Variants in LRRC28 observed in about 807,000 individuals in gnomAD.
The protein encoded by LRRC28 is leucine-rich repeat-containing protein 28.
A neutral mutation model predicts 45.7 loss-of-function variants in LRRC28; 39 were observed. That is an observed-to-expected ratio of 0.85 (90% CI 0.66 to 1.12). The LOEUF is 1.12. Ranked by LOEUF, LRRC28 falls within the 50% of genes most tolerant of loss-of-function variation. The pLI is 0.00. For missense variants in LRRC28, 435 were observed against 438.5 expected, an observed-to-expected ratio of 0.99 and a Z score of 0.07; for synonymous variants, 206 against 178.8, an observed-to-expected ratio of 1.15 and a Z score of -1.22.
intron 6 of LRRC28, among the ~76,000 whole-genome samples, chr15:99,342,911 T>C (rs756078182): frequency 4.6e-5 from 7 of 152,208 alleles, no homozygotes; most frequent in Non-Finnish European, 8.8e-5. Context: ...GGAGTCTGTG[T>C]GTTTGTGTGT....
At chr15:99,380,441 G>A (rs865838244) in intron 9 of LRRC28, among the ~76,000 whole-genome samples, 1 of 152,216 alleles carries the variant, frequency 6.6e-6, no homozygotes, top group Non-Finnish European at 1.5e-5. Flanking sequence ...CTCTGCACAT[G>A]AGATGGGTCT....
intron 5 of LRRC28, 63 bp from the exon 6 acceptor site, chr15:99,333,860 A>C: frequency 6.6e-7 from 1 of 1,507,336 alleles, no homozygotes; most frequent in Non-Finnish European, 9.2e-7. Flanking sequence ...TATAATATTG[A>C]TTCATTTTGT....
chr15:99,326,742 A>T (rs938339266), intron 5 of LRRC28, among the ~76,000 whole-genome samples: 12 of 152,192 alleles, frequency 7.9e-5, no homozygotes, highest in African/African-American at 2.4e-4. Flanking sequence ...AACATCTCAG[A>T]CCTACTTGTT....
At position 99,321,491 on chromosome 15, in the gene LRRC28, C is replaced by A. The variant is rs572519858; in HGVS notation, c.386-12432C>A. 5.3e-5 allele frequency among the ~76,000 whole-genome samples: 8 copies of A among 152,304 alleles called. No homozygotes were observed. In the East Asian group the frequency reaches 1.3e-3, roughly 26 times the overall value. On this transcript the variant is annotated intron_variant, in intron 5 of 9. Coordinates refer to ENST00000301981, the MANE Select transcript of LRRC28 (RefSeq NM_144598.5). ...TCTTATAGAATACTCCCATCACTTG[C>A]ATTCACAGAGATAATTATAAGACAT...
intron 7 of LRRC28, among the ~76,000 whole-genome samples, chr15:99,356,084 T>C (rs1957040037): frequency 6.6e-6 from 1 of 152,228 alleles, no homozygotes; most frequent in African/African-American, 2.4e-5. Context: ...AAGTTAGTTG[T>C]TGTTAAAACA....
chr15:99,372,865 A>G (rs930480960), intron 9 of LRRC28, among the ~76,000 whole-genome samples: 1 of 152,180 alleles, frequency 6.6e-6, no homozygotes, highest in Admixed American at 6.6e-5. Flanking sequence ...AGGCCTCAGG[A>G]AACTTAACAA....
At chr15:99,372,139 A>G (rs900747029) in intron 9 of LRRC28, among the ~76,000 whole-genome samples, 2 of 152,236 alleles carry the variant, frequency 1.3e-5, no homozygotes, top group African/African-American at 4.8e-5. Flanking sequence ...TACGAGTCAA[A>G]TATATGCTTT....
intron 5 of LRRC28, among the ~76,000 whole-genome samples, chr15:99,312,214 A>G (rs1182503513): frequency 6.6e-6 from 1 of 152,218 alleles, no homozygotes; most frequent in Admixed American, 6.5e-5. Context: ...AGCTTGCTAC[A>G]CACTAAGCCA....
At chr15:99,264,496 C>G (rs915500381) in intron 2 of LRRC28, among the ~76,000 whole-genome samples, 2 of 152,204 alleles carry the variant, frequency 1.3e-5, no homozygotes, top group Admixed American at 1.3e-4. Context: ...CTTAGGTTTA[C>G]TGAGCAATGC....
chr15:99,267,602 T>A (rs1330302690), intron 2 of LRRC28, among the ~76,000 whole-genome samples: 2 of 152,220 alleles, frequency 1.3e-5, no homozygotes, highest in Admixed American at 6.5e-5. Flanking sequence ...TGTGGAAATA[T>A]GTGAGTATAT....
At chr15:99,270,486 G>A (rs1444660633) in intron 2 of LRRC28, among the ~76,000 whole-genome samples, 1 of 138,066 alleles carries the variant, frequency 7.2e-6, no homozygotes, top group East Asian at 2.1e-4. Flanking sequence ...TTTTCTCTCT[G>A]GGTTAACTCT....
chr15:99,384,944 A>G (rs1346036052), intron 9 of LRRC28, among the ~76,000 whole-genome samples: 1 of 152,232 alleles, frequency 6.6e-6, no homozygotes, highest in Non-Finnish European at 1.5e-5. Flanking sequence ...AAGAAGGACA[A>G]TTGGCTGAAG....
intron 9 of LRRC28, among the ~76,000 whole-genome samples, chr15:99,365,982 A>G (rs1248075010): frequency 1.3e-5 from 2 of 152,222 alleles, no homozygotes; most frequent in Non-Finnish European, 2.9e-5. Flanking sequence ...ATAGAAGATT[A>G]TTTCTTAATA....
At chr15:99,340,527 A>G (rs974777321) in intron 6 of LRRC28, among the ~76,000 whole-genome samples, 2 of 152,260 alleles carry the variant, frequency 1.3e-5, no homozygotes, top group African/African-American at 4.8e-5. Context: ...ATAATTTCCT[A>G]ATCTCAGACT....
chr15:99,349,989 A>T (rs1956821263), intron 6 of LRRC28, among the ~76,000 whole-genome samples: 1 of 149,054 alleles, frequency 6.7e-6, no homozygotes, highest in African/African-American at 2.5e-5. Flanking sequence ...ACAAAAAATT[A>T]GCCGGGCGCG....
At chr15:99,252,737 A>G (rs918099928) in intron 1 of LRRC28, among the ~76,000 whole-genome samples, 5 of 152,220 alleles carry the variant, frequency 3.3e-5, no homozygotes, top group African/African-American at 1.2e-4. Flanking sequence ...GTTCTTCCAC[A>G]TGTCATCAGA....
Position 99,341,749 on chromosome 15 carries a change from A to C in LRRC28, c.592+7620A>C, listed in dbSNP as rs531775068. 5.3e-5 allele frequency among the ~76,000 whole-genome samples: 8 copies of C among 152,212 alleles called. No individual in the cohort carries two copies. In the East Asian group the frequency reaches 1.2e-3, roughly 22 times the overall value. On this transcript the variant is annotated intron_variant, in intron 6 of 9. Coordinates refer to ENST00000301981, the MANE Select transcript of LRRC28 (RefSeq NM_144598.5). Reference sequence around the variant, plus strand: ...AAATAGCAGTATGAGGGCTAGCACCATGAGCAGAATGTTTACCAGGAGAGT... The same window carrying C: ...AAATAGCAGTATGAGGGCTAGCACCCTGAGCAGAATGTTTACCAGGAGAGT...
chr15:99,286,094 A>G (rs2081951220), intron 3 of LRRC28, among the ~76,000 whole-genome samples: 1 of 152,200 alleles, frequency 6.6e-6, no homozygotes, highest in South Asian at 2.1e-4. Context: ...AAACTTCTGA[A>G]TTCTATTTAA....
chr15:99,286,583 T>G (rs2152207758), intron 3 of LRRC28: 1 of 152,376 alleles, frequency 6.6e-6, no homozygotes. Context: ...AATAGTTGGT[T>G]ACTGATTGCA....
Sources: gnomAD v4.1 joint callset for allele counts (sites outside exome capture counted in the v4.1 genomes callset) on GRCh38, gnomAD v4.1.1 for gene constraint, MANE v1.5 for transcripts, NCBI Gene and HGNC (gene_info 2026-07-23, HGNC 2026-07-21) for gene names.